DDX10: variants seen among roughly 807,000 people sequenced by gnomAD.
The protein encoded by DDX10 is probable ATP-dependent RNA helicase DDX10.
DDX10 carries 74 observed loss-of-function variants against 104.3 expected under a neutral mutation model. The ratio of observed to expected loss-of-function variants is 0.71; its 90% CI spans 0.59 to 0.86. The LOEUF (loss-of-function observed/expected upper bound fraction) is 0.86. Ranked by LOEUF, DDX10 falls within the 40% of genes least tolerant of loss-of-function variation. The pLI is 0.00. For missense variants in DDX10, 952 were observed against 1,040.0 expected (o/e 0.92, Z 1.16); for synonymous variants, 351 against 353.4 (o/e 0.99, Z 0.08).
chr11:108,850,719 T>C (rs1026218904), intron 15 of DDX10, among the ~76,000 whole-genome samples: 6 of 152,150 alleles, frequency 3.9e-5, no homozygotes, highest in African/African-American at 1.4e-4. Flanking sequence ...ACAAATACTA[T>C]GTACGAACCT....
intron 12 of DDX10, among the ~76,000 whole-genome samples, chr11:108,720,711 C>A (rs527261688): frequency 6.6e-6 from 1 of 152,150 alleles, no homozygotes; most frequent in Non-Finnish European, 1.5e-5. Context: ...TCATCTCAGC[C>A]TCCTGAGTAG....
intron 16 of DDX10, among the ~76,000 whole-genome samples, chr11:108,904,775 T>C (rs943221065): frequency 1.3e-5 from 2 of 152,004 alleles, no homozygotes; most frequent in African/African-American, 4.8e-5. Flanking sequence ...AGATTGAAAA[T>C]GTAGCCATGT....
At chr11:108,744,551 A>G (rs534793727) in intron 13 of DDX10, among the ~76,000 whole-genome samples, 3 of 152,264 alleles carry the variant, frequency 2.0e-5, no homozygotes, top group African/African-American at 7.2e-5. Context: ...GGTTAGCCTG[A>G]GTATTTGGGA....
intron 15 of DDX10, among the ~76,000 whole-genome samples, chr11:108,843,714 C>T (rs1223080306): frequency 6.6e-6 from 1 of 151,378 alleles, no homozygotes; most frequent in Non-Finnish European, 1.5e-5. Context: ...CGAGGTCGTG[C>T]CACTGCACTC....
intron 13 of DDX10, among the ~76,000 whole-genome samples, chr11:108,735,349 G>A (rs763317122): frequency 6.6e-6 from 1 of 152,144 alleles, no homozygotes. Context: ...AAAACCAACA[G>A]TATTCCCTGT....
At chr11:108,825,155 A>G (rs1862378990) in intron 13 of DDX10, among the ~76,000 whole-genome samples, 1 of 152,208 alleles carries the variant, frequency 6.6e-6, no homozygotes, top group Non-Finnish European at 1.5e-5. Context: ...AAATGCTATA[A>G]AGAGGTGTCT....
At chr11:108,861,113 T>C (rs1862935726) in intron 16 of DDX10, among the ~76,000 whole-genome samples, 1 of 150,548 alleles carries the variant, frequency 6.6e-6, no homozygotes, top group South Asian at 2.1e-4. Context: ...ACCCTTAATC[T>C]AGTAGGCGCA....
rs752839355 is a variant in DDX10, at chr11:108,689,076, ATTT to A, written c.975+16_975+18del. 4 of 1,612,830 alleles carry A rather than the reference ATTT, an allele frequency of 2.5e-6. 1 individual carries two copies. The South Asian group carries it at 4.4e-5, about 18-fold the overall frequency. ...AGTTGCAAAGAGGTATTGGCTGTTT[ATTT>A]TGCTTTCTGAACGTATGTTGAATGT... On this transcript the variant is annotated intron_variant, in intron 7 of 17. Coordinates refer to ENST00000322536, the MANE Select transcript of DDX10 (RefSeq NM_004398.4).
chr11:108,894,869 A>G (rs1009404771), intron 16 of DDX10, among the ~76,000 whole-genome samples: 2 of 152,012 alleles, frequency 1.3e-5, no homozygotes, highest in African/African-American at 4.8e-5. Context: ...GTCCTTTACT[A>G]CTGGAAAGAG....
chr11:108,900,732 A>G (rs1196630736), intron 16 of DDX10, among the ~76,000 whole-genome samples: 1 of 152,140 alleles, frequency 6.6e-6, no homozygotes, highest in East Asian at 1.9e-4. Context: ...CCATACAGTC[A>G]TCAGGTTAGC....
intron 13 of DDX10, among the ~76,000 whole-genome samples, chr11:108,779,137 C>G (rs2094374357): frequency 6.6e-6 from 1 of 152,172 alleles, no homozygotes; most frequent in African/African-American, 2.4e-5. Context: ...GGTGATTCCT[C>G]AGGGATCTAG....
At chr11:108,848,134 T>C (rs1260811373) in intron 15 of DDX10, among the ~76,000 whole-genome samples, 2 of 152,214 alleles carry the variant, frequency 1.3e-5, no homozygotes, top group Admixed American at 6.5e-5. Flanking sequence ...ACAAGGTCAT[T>C]GATCTCTAAT....
At chr11:108,745,406 A>G (rs867255180) in intron 13 of DDX10, among the ~76,000 whole-genome samples, 1 of 151,546 alleles carries the variant, frequency 6.6e-6, no homozygotes, top group Non-Finnish European at 1.5e-5. Context: ...ATGGTCAGCT[A>G]ATTTTTGTAT....
intron 17 of DDX10, chr11:108,919,711 G>A (rs1330567766): frequency 6.6e-6 from 1 of 152,116 alleles, no homozygotes; most frequent in African/African-American, 2.4e-5. Context: ...GAAACCTTTG[G>A]CAGGATGTCA....
intron 13 of DDX10, among the ~76,000 whole-genome samples, chr11:108,786,631 G>T (rs927966704): frequency 2.6e-5 from 4 of 152,100 alleles, no homozygotes; most frequent in African/African-American, 7.2e-5. Context: ...CTCCCTGATT[G>T]TTATTGGTTT....
intron 13 of DDX10, among the ~76,000 whole-genome samples, chr11:108,758,992 G>A (rs1431225409): frequency 1.3e-5 from 2 of 151,946 alleles, no homozygotes; most frequent in Non-Finnish European, 2.9e-5. Flanking sequence ...TATGGTGGCC[G>A]AAAGGAAAAT....
chr11:108,843,673 T>C (rs1229815431), intron 15 of DDX10, among the ~76,000 whole-genome samples: 1 of 152,018 alleles, frequency 6.6e-6, no homozygotes, highest in East Asian at 1.9e-4. Context: ...GGAGAATTGC[T>C]TGAACCTGGG....
chr11:108,867,134 ACAGGTTATTAC>A (rs1863017227), intron 16 of DDX10, among the ~76,000 whole-genome samples: 2 of 152,218 alleles, frequency 1.3e-5, no homozygotes, highest in African/African-American at 2.4e-5. Context: ...ACATTAAGTC[ACAGGTTATTAC>A]CAGCAGAATT....
At chr11:108,801,490 G>A (rs1429659696) in intron 13 of DDX10, among the ~76,000 whole-genome samples, 2 of 152,108 alleles carry the variant, frequency 1.3e-5, no homozygotes, top group Admixed American at 1.3e-4. Flanking sequence ...CAAGATGAGA[G>A]GTCAGAAGAC....
Sources: gnomAD v4.1 joint callset for allele counts (sites outside exome capture counted in the v4.1 genomes callset) on GRCh38, gnomAD v4.1.1 for gene constraint, MANE v1.5 for transcripts, NCBI Gene and HGNC (gene_info 2026-07-23, HGNC 2026-07-21) for gene names.